Variants in KATNAL2 observed in about 807,000 individuals in gnomAD.
KATNAL2 encodes katanin p60 ATPase-containing subunit A-like 2.
A neutral mutation model predicts 76.3 loss-of-function variants in KATNAL2; 52 were observed. That is an observed-to-expected ratio of 0.68 (90% CI 0.55 to 0.86). The LOEUF (loss-of-function observed/expected upper bound fraction) is 0.86, where lower values mean the gene tolerates loss of function less well. KATNAL2 is among the 40% of genes least tolerant of loss of function. The pLI, the probability that KATNAL2 is intolerant of heterozygous loss-of-function variation, is 0.00. For synonymous variants in KATNAL2, 243 were observed against 244.2 expected (o/e 1.00, Z 0.05); for missense variants, 660 against 668.9 (o/e 0.99, Z 0.15).
intron 4 of KATNAL2, among the ~76,000 whole-genome samples, chr18:47,049,767 T>C (rs990636651): frequency 1.3e-5 from 2 of 152,202 alleles, no homozygotes; most frequent in Non-Finnish European, 2.9e-5. Context: ...CAGGCTGGAG[T>C]GCAGTTGCCC....
At chr18:46,959,531 AC>A (rs1397538147) in intron 3 of KATNAL2, among the ~76,000 whole-genome samples, 1 of 152,214 alleles carries the variant, frequency 6.6e-6, no homozygotes, top group African/African-American at 2.4e-5. Flanking sequence ...GTGAAAACAT[AC>A]TTGCTTTCTT....
At position 46,946,850 on chromosome 18, in the gene KATNAL2, C is replaced by T. The variant is rs759143923; in HGVS notation, c.-19-4C>T. 2.0e-6 allele frequency: 3 copies of T among 1,535,098 alleles called. No homozygotes were observed. The highest frequency in any genetic ancestry group is 2.6e-6 in the Non-Finnish European group (3 of 1,146,228). ...GTAACTGACTACTTTTCTCCCTTCT[C>T]TAGGGTCCTAGCACAGTGTCTGATG... On this transcript the variant is annotated splice_polypyrimidine_tract_variant and splice_region_variant and intron_variant, in intron 2 of 17. Transcript: ENST00000683218.
intron 6 of KATNAL2, among the ~76,000 whole-genome samples, chr18:47,058,026 T>A (rs560086786): frequency 2.0e-5 from 3 of 152,216 alleles, no homozygotes; most frequent in African/African-American, 4.8e-5. Context: ...GAGGAGGCAA[T>A]CTTAGAAGAA....
At chr18:46,943,971 G>A (rs1484061597) in intron 1 of KATNAL2, among the ~76,000 whole-genome samples, 2 of 152,086 alleles carry the variant, frequency 1.3e-5, no homozygotes, top group Non-Finnish European at 2.9e-5. Context: ...CTTCCCTCTT[G>A]TATCTCAGTT....
chr18:46,937,052 T>C (rs1384000295), intron 1 of KATNAL2, among the ~76,000 whole-genome samples: 1 of 152,158 alleles, frequency 6.6e-6, no homozygotes, highest in African/African-American at 2.4e-5. Flanking sequence ...TAAAAATCTG[T>C]TTTTCACTCA....
chr18:47,084,847 T>TAAAAAA (rs34034453), intron 15 of KATNAL2, among the ~76,000 whole-genome samples: 3,648 of 25,518 alleles, frequency 0.14, 1,012 homozygotes, highest in Middle Eastern at 0.2. Flanking sequence ...AGACTCTGTC[T>TAAAAAA]AAAAAAAAAA....
chr18:47,037,505 G>A (rs2060820728), intron 3 of KATNAL2, among the ~76,000 whole-genome samples: 1 of 152,058 alleles, frequency 6.6e-6, no homozygotes, highest in African/African-American at 2.4e-5. Flanking sequence ...AGTTTAAATG[G>A]ATCCTTTTTG....
intron 3 of KATNAL2, chr18:47,034,854 C>T (rs535565677): frequency 9.3e-6 from 15 of 1,612,130 alleles, no homozygotes; most frequent in South Asian, 6.6e-5. Context: ...TCTGTTGCCC[C>T]GGAGGTGTTC....
chr18:46,932,022 C>T (rs1038842729), intron 1 of KATNAL2, among the ~76,000 whole-genome samples: 4 of 151,708 alleles, frequency 2.6e-5, no homozygotes, highest in Admixed American at 1.3e-4. Flanking sequence ...GTGATTCTCC[C>T]ACCTCAGCCT....
chr18:47,051,814 A>C (rs551085502), intron 4 of KATNAL2, among the ~76,000 whole-genome samples: 3 of 152,320 alleles, frequency 2.0e-5, no homozygotes, highest in African/African-American at 7.2e-5. Context: ...CTGTAATCCC[A>C]ACACTTTGGA....
chr18:47,066,233 G>T (rs72903234), intron 10 of KATNAL2, among the ~76,000 whole-genome samples: 1,814 of 152,128 alleles, frequency 0.012, 20 homozygotes, highest in Non-Finnish European at 0.018. Flanking sequence ...GCTTTTTTGA[G>T]GAAACACTCT....
At chr18:46,924,267 G>A (rs2058662805) in intron 1 of KATNAL2, among the ~76,000 whole-genome samples, 5 of 152,218 alleles carry the variant, frequency 3.3e-5, no homozygotes, top group Admixed American at 3.3e-4. Flanking sequence ...GTGTAAGGGA[G>A]GGATCCAGTT....
At chr18:47,099,624 G>A (rs757713449) in intron 16 of KATNAL2, among the ~76,000 whole-genome samples, 14 of 152,218 alleles carry the variant, frequency 9.2e-5, no homozygotes, top group Non-Finnish European at 1.8e-4. Flanking sequence ...AAACAGCATA[G>A]GGTTTAGACT....
intron 3 of KATNAL2, among the ~76,000 whole-genome samples, chr18:46,951,119 T>C (rs973808252): frequency 6.6e-6 from 1 of 152,162 alleles, no homozygotes; most frequent in Non-Finnish European, 1.5e-5. Context: ...TTCCCTTCCC[T>C]CATTCTCTCA....
At chr18:46,959,238 G>A (rs2059858197) in intron 3 of KATNAL2, among the ~76,000 whole-genome samples, 1 of 152,164 alleles carries the variant, frequency 6.6e-6, no homozygotes, top group East Asian at 1.9e-4. Context: ...ATAAAGCTAA[G>A]CTGAATTTTA....
chr18:47,098,220 T>TTA, intron 15 of KATNAL2: 1 of 374,756 alleles, frequency 2.7e-6, no homozygotes, highest in Non-Finnish European at 5.2e-6. Flanking sequence ...AGACTCCGTC[T>TTA]CAAAAAAAAA....
chr18:47,069,619 G>T lies in KATNAL2; in HGVS notation c.1008+19G>T. ...CGTTCGGGTAGGAATTCTTAATTTT[G>T]TTTTTAAAAATAAGTTCTAGTGTAA... is the stretch of plus-strand genomic sequence containing the variant. On this transcript the variant is annotated intron_variant, in intron 13 of 17. Transcript: ENST00000683218. 1 of 1,547,886 alleles carries T rather than the reference G, an allele frequency of 6.5e-7. No homozygotes were observed. Among genetic ancestry groups the T allele is most frequent in the Non-Finnish European group, 8.9e-7 (1 of 1,123,050 alleles).
At chr18:47,033,666 A>G (rs773610963) in intron 3 of KATNAL2, 2 of 1,614,204 alleles carry the variant, frequency 1.2e-6, no homozygotes, top group Non-Finnish European at 1.7e-6. Context: ...GCACCTGGGC[A>G]CACTGCTGGC....
intron 3 of KATNAL2, among the ~76,000 whole-genome samples, chr18:47,042,826 T>C (rs1177719669): frequency 6.6e-6 from 1 of 152,112 alleles, no homozygotes; most frequent in Non-Finnish European, 1.5e-5. Flanking sequence ...ATAAAGAAGT[T>C]TTCCAAAAAT....
Sources: gnomAD v4.1 joint callset for allele counts (sites outside exome capture counted in the v4.1 genomes callset) on GRCh38, gnomAD v4.1.1 for gene constraint, MANE v1.5 for transcripts, NCBI Gene and HGNC (gene_info 2026-07-23, HGNC 2026-07-21) for gene names.